PCDH9: variants seen among roughly 807,000 people sequenced by gnomAD.
The protein encoded by PCDH9 is protocadherin-9.
PCDH9 carries 24 observed loss-of-function variants against 70.6 expected under a neutral mutation model. The observed-to-expected ratio is 0.34, with a 90% confidence interval of 0.25 to 0.48. The LOEUF is 0.48. PCDH9 is among the 20% of genes least tolerant of loss of function. The probability of loss-of-function intolerance (pLI) is 0.99; values close to 1 mark genes in which losing one functional copy is unlikely to be tolerated. For synonymous variants in PCDH9, 562 were observed against 558.5 expected (o/e 1.01, Z -0.09); for missense variants, 1,281 against 1,503.6 (o/e 0.85, Z 2.45).
chr13:67,062,163 C>A (rs2085551496), intron 2 of PCDH9, among the ~76,000 whole-genome samples: 1 of 152,100 alleles, frequency 6.6e-6, no homozygotes, highest in Admixed American at 6.6e-5. Flanking sequence ...GACAGCAAAT[C>A]AAGGTACCAC....
Position 66,305,024 on chromosome 13 carries a change from C to A in PCDH9, c.3345G>T (p.Gly1115=). Residue 1115 remains glycine (G), a synonymous_variant, in exon 5 of 5, where the codon GGG becomes GGT. Coordinates refer to ENST00000377865, the MANE Select transcript of PCDH9 (RefSeq NM_203487.3). ...CAGCTAATCCTCGGGGACCCAAAGG[C>A]CCATCTGCAGAAGACAAGAGAGAGA... The part of the protein sequence containing the change: ...ADGNSDPNSD[G]PLGPRGLAEA... The A allele has an allele frequency of 6.2e-7, 1 of 1,607,368 alleles. No individual in the cohort carries two copies. The highest frequency in any genetic ancestry group is 8.5e-7 in the Non-Finnish European group (1 of 1,175,874).
At chr13:66,719,827 T>A (rs572376880) in intron 3 of PCDH9, among the ~76,000 whole-genome samples, 2 of 152,294 alleles carry the variant, frequency 1.3e-5, no homozygotes, top group Admixed American at 1.3e-4. Context: ...TGAAAATAAA[T>A]CCAAGTCATT....
At chr13:67,091,458 G>A (rs1486911808) in intron 2 of PCDH9, among the ~76,000 whole-genome samples, 3 of 152,036 alleles carry the variant, frequency 2.0e-5, no homozygotes, top group South Asian at 4.1e-4. Flanking sequence ...GTTGATTGCC[G>A]TCATTTGAAG....
At chr13:66,411,229 T>C (rs1448124438) in intron 4 of PCDH9, among the ~76,000 whole-genome samples, 1 of 152,260 alleles carries the variant, frequency 6.6e-6, no homozygotes, top group Non-Finnish European at 1.5e-5. Context: ...CTTTACGCAG[T>C]GGCTTAAAAT....
At chr13:66,849,976 T>C (rs2081287613) in intron 3 of PCDH9, among the ~76,000 whole-genome samples, 1 of 152,156 alleles carries the variant, frequency 6.6e-6, no homozygotes, top group Non-Finnish European at 1.5e-5. Flanking sequence ...GGTCAGTCCC[T>C]AGCGGCCACT....
At chr13:66,986,732 G>C (rs986406342) in intron 2 of PCDH9, among the ~76,000 whole-genome samples, 1 of 151,956 alleles carries the variant, frequency 6.6e-6, no homozygotes, top group Non-Finnish European at 1.5e-5. Flanking sequence ...TTTAAAAATA[G>C]ATAGGAAGAT....
intron 4 of PCDH9, among the ~76,000 whole-genome samples, chr13:66,585,398 G>T (rs1481422921): frequency 6.6e-6 from 1 of 151,980 alleles, no homozygotes; most frequent in East Asian, 1.9e-4. Context: ...TAATGTAAAG[G>T]TATATCTCCC....
At chr13:66,978,957 G>C (rs1452080243) in intron 2 of PCDH9, among the ~76,000 whole-genome samples, 1 of 151,534 alleles carries the variant, frequency 6.6e-6, no homozygotes, top group Admixed American at 6.6e-5. Flanking sequence ...AGTTATGAAG[G>C]CCAAAAATCT....
intron 4 of PCDH9, among the ~76,000 whole-genome samples, chr13:66,317,842 A>C (rs944477621): frequency 3.3e-5 from 5 of 152,186 alleles, no homozygotes; most frequent in African/African-American, 1.2e-4. Context: ...TACTTTTCAC[A>C]AAGTTTAGGG....
chr13:66,592,015 T>G (rs1338791141), intron 4 of PCDH9, among the ~76,000 whole-genome samples: 1 of 151,674 alleles, frequency 6.6e-6, no homozygotes, highest in Non-Finnish European at 1.5e-5. Flanking sequence ...AACTATTTAA[T>G]GAATTCTACA....
chr13:66,592,569 TA>T (rs2077051758), intron 4 of PCDH9, among the ~76,000 whole-genome samples: 1 of 151,774 alleles, frequency 6.6e-6, no homozygotes, highest in Non-Finnish European at 1.5e-5. Flanking sequence ...TTTTCTCTTC[TA>T]AAAATCAAGT....
chr13:66,367,323 T>C (rs554989316), intron 4 of PCDH9, among the ~76,000 whole-genome samples: 2 of 152,094 alleles, frequency 1.3e-5, no homozygotes, highest in African/African-American at 4.8e-5. Flanking sequence ...CTCACAGTGG[T>C]AAACGTAACA....
At chr13:66,426,122 C>G (rs1957664918) in intron 4 of PCDH9, among the ~76,000 whole-genome samples, 1 of 151,274 alleles carries the variant, frequency 6.6e-6, no homozygotes, top group Non-Finnish European at 1.5e-5. Flanking sequence ...ACATTCATTA[C>G]GGAAAAAAGT....
chr13:66,380,269 G>T (rs1956821750), intron 4 of PCDH9, among the ~76,000 whole-genome samples: 1 of 152,008 alleles, frequency 6.6e-6, no homozygotes, highest in Non-Finnish European at 1.5e-5. Context: ...AGTCAAACTA[G>T]GTAAAATAAT....
intron 2 of PCDH9, among the ~76,000 whole-genome samples, chr13:67,170,000 C>CTCCT (rs1385699894): frequency 6.6e-6 from 1 of 152,196 alleles, no homozygotes; most frequent in Non-Finnish European, 1.5e-5. Context: ...AATCCTGCTT[C>CTCCT]TCCTCCTCCT....
intron 4 of PCDH9, among the ~76,000 whole-genome samples, chr13:66,531,219 A>C (rs1449274139): frequency 6.6e-6 from 1 of 152,046 alleles, no homozygotes; most frequent in Non-Finnish European, 1.5e-5. Flanking sequence ...GCTAGGCTAA[A>C]GAACAAAAGA....
At chr13:67,192,550 A>T (rs1029178894) in intron 2 of PCDH9, among the ~76,000 whole-genome samples, 13 of 152,186 alleles carry the variant, frequency 8.5e-5, no homozygotes, top group Non-Finnish European at 1.3e-4. Context: ...AAATAACAAG[A>T]ACATATTCAT....
At chr13:67,004,436 T>C (rs2084307926) in intron 2 of PCDH9, among the ~76,000 whole-genome samples, 1 of 151,584 alleles carries the variant, frequency 6.6e-6, no homozygotes, top group Non-Finnish European at 1.5e-5. Context: ...CCAGGCATGG[T>C]TGTGGGCACC....
chr13:66,978,135 T>C (rs2139762709), intron 2 of PCDH9, among the ~76,000 whole-genome samples: 1 of 152,298 alleles, frequency 6.6e-6, no homozygotes, highest in East Asian at 1.9e-4. Context: ...TTTCAGGTTA[T>C]TGATAGTTTG....
Sources: gnomAD v4.1 joint callset for allele counts (sites outside exome capture counted in the v4.1 genomes callset) on GRCh38, gnomAD v4.1.1 for gene constraint, MANE v1.5 for transcripts, NCBI Gene and HGNC (gene_info 2026-07-23, HGNC 2026-07-21) for gene names.